CD72: variants seen among roughly 807,000 people sequenced by gnomAD.
The protein encoded by CD72 is B-cell differentiation antigen CD72.
Under a neutral mutation model 50.7 loss-of-function variants are expected in CD72, and 28 were observed. The ratio of observed to expected loss-of-function variants is 0.55; its 90% CI spans 0.41 to 0.76. The LOEUF is 0.76. Among genes scored for constraint, CD72 ranks in the 30% least tolerant of loss-of-function variants. CD72 has a pLI of 0.00. For synonymous variants in CD72, 176 were observed against 171.2 expected, an observed-to-expected ratio of 1.03 and a Z score of -0.22; for missense variants, 403 against 420.6, an observed-to-expected ratio of 0.96 and a Z score of 0.37.
intron 1 of CD72, among the ~76,000 whole-genome samples, chr9:35,640,637 G>A (rs370151723): frequency 2.2e-4 from 34 of 152,376 alleles, no homozygotes; most frequent in African/African-American, 7.5e-4. Flanking sequence ...GGATCTGGAG[G>A]GATGGGAGTC....
intron 8 of CD72, 71 bp downstream of exon 8, chr9:35,610,530 TG>T: frequency 4.1e-6 from 1 of 246,730 alleles, no homozygotes; most frequent in Non-Finnish European, 5.5e-6. Context: ...CCTGGGCCCC[TG>T]CTCTGAGTCC....
Position 35,610,692 on chromosome 9 carries a change from C to T in CD72, c.1012G>A (p.Glu338Lys). The T allele has an allele frequency of 6.2e-7, 1 of 1,610,154 alleles. No homozygotes were observed. ...VHKTWSWWTL[E>K]SESCRSSLPY... ...AGAGAACTTCTACATGACTCTGACT[C>T]CAGTGTCCACCATGACCAAGTTTTA... The change falls in exon 8 of 9, where the codon GAG (glutamate) becomes AAG (lysine). Residue 338 changes from glutamate to lysine, a missense_variant. Glu to Lys is a moderately conservative substitution (Grantham distance 56). Coordinates refer to ENST00000259633, the MANE Select transcript of CD72 (RefSeq NM_001782.3).
At chr9:35,613,048 C>A (rs1823011468) in intron 5 of CD72, 55 bp from the exon 6 acceptor site, 1 of 1,472,174 alleles carries the variant, frequency 6.8e-7, no homozygotes. Context: ...AGTGACTACT[C>A]AGCAATCTTT....
intron 5 of CD72, among the ~76,000 whole-genome samples, chr9:35,615,441 A>G (rs1823049747): frequency 1.3e-5 from 2 of 151,886 alleles, no homozygotes; most frequent in African/African-American, 4.8e-5. Context: ...AGTTCCCTAC[A>G]CCACAACTCC....
chr9:35,616,739 G>A, intron 3 of CD72, 50 bp from the exon 4 acceptor site: 1 of 1,489,128 alleles, frequency 6.7e-7, no homozygotes, highest in African/African-American at 1.4e-5. Context: ...CGTAAAGAAT[G>A]TAGAGAGGAA....
intron 1 of CD72, chr9:35,643,012 C>T (rs1026371075): frequency 2.0e-5 from 3 of 152,224 alleles, no homozygotes; most frequent in African/African-American, 7.2e-5. Flanking sequence ...AGCTACTCGC[C>T]TCTGCTGTAA....
At chr9:35,619,336 G>A (rs912056982), upstream of CD72, among the ~76,000 whole-genome samples, 21 of 152,092 alleles carry the variant, frequency 1.4e-4, no homozygotes, top group Admixed American at 9.2e-4. Context: ...TTCTTTTACC[G>A]GGATGTGACC....
chr9:35,631,479 A>C (rs1307232356), intron 1 of CD72, among the ~76,000 whole-genome samples: 1 of 152,194 alleles, frequency 6.6e-6, no homozygotes, highest in South Asian at 2.1e-4. Context: ...TATTATATTT[A>C]AGCAGTTTTC....
At chr9:35,624,105 G>A (rs963135678), upstream of CD72, among the ~76,000 whole-genome samples, 13 of 146,180 alleles carry the variant, frequency 8.9e-5, no homozygotes, top group Non-Finnish European at 1.4e-4. Flanking sequence ...CCAGCTACTC[G>A]GGAGGCTGAG....
chr9:35,614,746 AT>A (rs1363647015), intron 5 of CD72, among the ~76,000 whole-genome samples: 1 of 152,120 alleles, frequency 6.6e-6, no homozygotes, highest in African/African-American at 2.4e-5. Context: ...CACGACTGTA[AT>A]CTCAGCACTT....
At chr9:35,610,341 A>G (rs2131750939) in intron 8 of CD72, 41 bp from the exon 9 acceptor site, 1 of 357,752 alleles carries the variant, frequency 2.8e-6, no homozygotes. Flanking sequence ...GGTTGACTTA[A>G]CTGAACCCTC....
At chr9:35,623,864 A>C (rs533356598), upstream of CD72, among the ~76,000 whole-genome samples, 137 of 152,174 alleles carry the variant, frequency 9.0e-4, 1 homozygote, top group African/African-American at 3.2e-3. Context: ...CAGTGAGCCG[A>C]GATTCCACCA....
rs1823008190 is a variant in CD72, at chr9:35,612,876, G to A, written c.806C>T (p.Ala269Val). 3.7e-6 allele frequency: 6 copies of A among 1,614,012 alleles called. No homozygotes were observed. Among genetic ancestry groups the A allele is most frequent in the Admixed American group, 1.7e-5 (1 of 59,994 alleles). ...KQCETLSSKL[A>V]TFSEIYPQSH... ...TTGTGGATAAATTTCACTGAATGTG[G>A]CCAGCTTGGAAGACAGAGTTTCACA... Residue 269 changes from alanine (A) to valine (V), a missense_variant, in exon 6 of 9, where the codon GCC becomes GTC. By Grantham distance (64) the Ala-to-Val change is moderately conservative. Coordinates refer to ENST00000259633, the MANE Select transcript of CD72 (RefSeq NM_001782.3).
At chr9:35,611,618 A>G (rs1211133694) in intron 7 of CD72, among the ~76,000 whole-genome samples, 186 bp downstream of exon 7, 7 of 152,234 alleles carry the variant, frequency 4.6e-5, no homozygotes, top group Admixed American at 4.6e-4. Flanking sequence ...CTAGGTGGAA[A>G]TAGAATGGAG....
intron 1 of CD72, among the ~76,000 whole-genome samples, chr9:35,640,754 T>C (rs936991265): frequency 7.2e-5 from 11 of 151,842 alleles, no homozygotes; most frequent in Non-Finnish European, 2.9e-5. Context: ...ACCAGAAGAG[T>C]GCAGTTGCAA....
chr9:35,630,333 C>T (rs1366452296), intron 1 of CD72, among the ~76,000 whole-genome samples: 1 of 152,158 alleles, frequency 6.6e-6, no homozygotes, highest in African/African-American at 2.4e-5. Flanking sequence ...CCACCGCACC[C>T]GGCTGCTAAA....
Position 35,616,957 on chromosome 9 carries a change from G to A in CD72, c.262+219C>T, listed in dbSNP as rs1054903163. 4 of 1,421,526 alleles carry A rather than the reference G, an allele frequency of 2.8e-6. No homozygotes were observed. The East Asian group carries it at 1.0e-4, about 36-fold the overall frequency. The allele number at this position is 1,421,526 out of a possible 1,614,324, so 88.1% of individuals were successfully genotyped here. A position where few individuals can be genotyped will look rare whatever the true frequency, so the allele number is the denominator to read the frequency against. On this transcript the variant is annotated intron_variant, in intron 3 of 8. Coordinates refer to ENST00000259633, the MANE Select transcript of CD72 (RefSeq NM_001782.3). ...AATATCAGACGGAGAGAGGGGAAGGGGGGCAGGTAGGTGAATTGGGACCAT... is the reference window on the plus strand; with the variant it reads ...AATATCAGACGGAGAGAGGGGAAGGAGGGCAGGTAGGTGAATTGGGACCAT...
In CD72 at chr9:35,611,949, A is replaced by G. The variant is rs771375637; in HGVS notation, c.835-30T>C. 7.9e-6 allele frequency: 9 copies of G among 1,145,756 alleles called. No individual in the cohort carries two copies. The East Asian group carries it at 2.1e-4, about 27-fold the overall frequency. 71.0% of individuals were successfully genotyped at this position (1,145,756 alleles called of 1,614,324 possible). The stretch of plus-strand genomic sequence containing the variant: ...GGGGAGATTCAGAGAGACCAGAGAT[A>G]CATGGAGAGTGATGAGAAATATGGA... On this transcript the variant is annotated intron_variant, in intron 6 of 8. Transcript: ENST00000259633.
intron 1 of CD72, among the ~76,000 whole-genome samples, chr9:35,632,580 T>A (rs1823255941): frequency 7.0e-6 from 1 of 141,952 alleles, no homozygotes; most frequent in South Asian, 2.2e-4. Context: ...TTTTATTAGC[T>A]TTTTTTTTTT....
Sources: allele counts gnomAD v4.1 joint callset (sites outside exome capture counted in the v4.1 genomes callset), GRCh38; gene constraint gnomAD v4.1.1; transcripts MANE v1.5; gene names NCBI Gene and HGNC (gene_info 2026-07-23, HGNC 2026-07-21).